CYB561D1: variants seen among roughly 807,000 people sequenced by gnomAD.
CYB561D1 encodes the protein probable transmembrane reductase CYB561D1.
In CYB561D1, 15 loss-of-function variants were observed where a neutral mutation model predicts 19.2. The observed-to-expected ratio is 0.78, with a 90% CI of 0.52 to 1.20. CYB561D1 has a LOEUF of 1.20. Ranked by LOEUF, CYB561D1 falls within the 50% of genes most tolerant of loss-of-function variation. CYB561D1 has a pLI of 0.00. For missense variants in CYB561D1, 297 were observed against 287.3 expected (o/e 1.03, Z -0.24); for synonymous variants, 133 against 120.6 (o/e 1.10, Z -0.68).
rs368199735 is a variant in CYB561D1, at chr1:109,496,023, C to T, written c.454C>T (p.Arg152Trp). ...GTGTGGGCTCTGCCTCCTTTGTCCCCGGGCAGCCAGGGTCTCAAGGGTGGC... is the reference window on the plus strand; with the variant it reads ...GTGTGGGCTCTGCCTCCTTTGTCCCTGGGCAGCCAGGGTCTCAAGGGTGGC... ...ALCGLCLLCP[R>W]AARVSRVARL... The change falls in exon 3 of 3, where the codon CGG (arginine) becomes TGG (tryptophan). Residue 152 changes from arginine (R) to tryptophan (W), a missense_variant. Arg to Trp is a moderately radical substitution (Grantham distance 101). Coordinates refer to ENST00000420578, the MANE Select transcript of CYB561D1 (RefSeq NM_182580.3). 2.2e-5 allele frequency: 36 copies of T among 1,608,750 alleles called. No homozygotes were observed. In the East Asian group the frequency reaches 2.7e-4, roughly 12 times the overall value.
chr1:109,494,239 G>T lies in CYB561D1; in HGVS notation c.100G>T (p.Ala34Ser). Residue 34 changes from alanine to serine, a missense_variant, in exon 1 of 3, where the codon GCT (alanine) becomes TCT (serine). Transcript: ENST00000420578. ...CAGTGGGATCTTGGCGCACCTGGTA[G>T]CTTTGGGCTTCACCATCTTTCTGAC... Reference protein sequence around the residue: ...RGSGILAHLVALGFTIFLTAL... With the variant: ...RGSGILAHLVSLGFTIFLTAL... The T allele has an allele frequency of 6.3e-7, 1 of 1,580,474 alleles. No individual in the cohort carries two copies. Among genetic ancestry groups the T allele is most frequent in the African/African-American group, 1.3e-5 (1 of 74,300 alleles).
chr1:109,494,505 G>T (rs1174735711), intron 1 of CYB561D1: 1 of 1,536,616 alleles, frequency 6.5e-7, no homozygotes, highest in South Asian at 1.2e-5. Flanking sequence ...TGAACAGACC[G>T]AACTACTTCC....
intron 2 of CYB561D1, 131 bp downstream of exon 2, chr1:109,495,311 T>C: frequency 9.0e-7 from 1 of 1,112,672 alleles, no homozygotes; most frequent in Non-Finnish European, 1.4e-6. Context: ...GGCTCATCTT[T>C]CCCTGCAGCC....
Position 109,494,565 on chromosome 1 carries a change from G to A in CYB561D1, c.148+278G>A, listed in dbSNP as rs764825912. 1.8e-5 allele frequency: 26 copies of A among 1,436,208 alleles called. No homozygotes were observed. The highest frequency in any genetic ancestry group is 2.8e-5 in the African/African-American group (2 of 70,274). 89.0% of individuals were successfully genotyped at this position (1,436,208 alleles called of 1,614,324 possible). On this transcript the variant is annotated intron_variant, in intron 1 of 2. Coordinates refer to ENST00000420578, the MANE Select transcript of CYB561D1 (RefSeq NM_182580.3). Reference sequence around the variant, plus strand: ...GATAGAAGTGAAGGAGGCCGGGCGCGGTGGGTCATGCCTGAAATCCCAGCA... The same window carrying A: ...GATAGAAGTGAAGGAGGCCGGGCGCAGTGGGTCATGCCTGAAATCCCAGCA...
chr1:109,495,823 C>T lies in CYB561D1; in HGVS notation c.254C>T (p.Ser85Phe), dbSNP rs1657503106. The part of the protein sequence containing the change: ...SPEHSLFFFC[S>F]RKARIRLHWA... ...GAACACTCCCTGTTCTTCTTCTGCTCCCGAAAAGCACGGATCCGGCTCCAC... is the reference window on the plus strand; with the variant it reads ...GAACACTCCCTGTTCTTCTTCTGCTTCCGAAAAGCACGGATCCGGCTCCAC... The change falls in exon 3 of 3, where the codon TCC becomes TTC. Residue 85 changes from serine (S) to phenylalanine (F), a missense_variant. Coordinates refer to ENST00000420578, the MANE Select transcript of CYB561D1 (RefSeq NM_182580.3). 4 of 1,614,036 alleles carry T rather than the reference C, an allele frequency of 2.5e-6. No individual in the cohort carries two copies. The highest frequency in any genetic ancestry group is 1.6e-4 in the Middle Eastern group (1 of 6,062).
chr1:109,494,487 C>T (rs1175375543), intron 1 of CYB561D1, 200 bp downstream of exon 1: 2 of 1,544,968 alleles, frequency 1.3e-6, no homozygotes, highest in East Asian at 2.5e-5. Context: ...GGGGGAAGGG[C>T]AGACGATTGA....
rs1657597825 is a variant in CYB561D1, at chr1:109,496,894, AG to A, written c.*638del. On this transcript the variant is annotated 3_prime_UTR_variant, in exon 3 of 3. Transcript: ENST00000420578. ...CTTTACTCTCCCTTTACTACCCTGG[AG>A]GGACAGCTCTGCCCTTGAGGCCCTT... The A allele has an allele frequency of 6.6e-6, 1 of 152,634 alleles. No homozygotes were observed. The highest frequency in any genetic ancestry group is 1.5e-5 in the Non-Finnish European group (1 of 68,058). The allele number at this position is 152,634 out of a possible 1,614,324, so 9.5% of individuals were successfully genotyped here. A position where few individuals can be genotyped will look rare whatever the true frequency, so the allele number is the denominator to read the frequency against.
chr1:109,496,411 G>A lies in CYB561D1; in HGVS notation c.*152G>A, dbSNP rs1342370494. On this transcript the variant is annotated 3_prime_UTR_variant, in exon 3 of 3. Transcript: ENST00000420578. ...AGAAACCAAAGCTGCTATTGTTGAG[G>A]AATAATTCAGTGGGTCAAAATGGGG... 4.8e-6 allele frequency: 4 copies of A among 825,158 alleles called. No homozygotes were observed. The highest frequency in any genetic ancestry group is 7.2e-6 in the Non-Finnish European group (4 of 554,906). The allele number at this position is 825,158 out of a possible 1,614,324, so 51.1% of individuals were successfully genotyped here. A position where few individuals can be genotyped will look rare whatever the true frequency, so the allele number is the denominator to read the frequency against.
chr1:109,494,271 G>C lies in CYB561D1; in HGVS notation c.132G>C (p.Leu44=), dbSNP rs1657350570. ...GCTTCACCATCTTTCTGACAGCGCT[G>C]TCCCGGCCAGGAACCAGTGAGTGTG... The part of the protein sequence containing the change: ...ALGFTIFLTA[L]SRPGTSLFSW... The change falls in exon 1 of 3, where the codon CTG becomes CTC. Residue 44 remains leucine (L), a synonymous_variant. Transcript: ENST00000420578. 3.1e-6 allele frequency: 5 copies of C among 1,588,990 alleles called. 1 individual carries two copies. The South Asian group carries it at 5.7e-5, about 18-fold the overall frequency.
chr1:109,495,004 C>T (rs1262761559), intron 1 of CYB561D1, 139 bp from the exon 2 acceptor site: 5 of 1,013,190 alleles, frequency 4.9e-6, no homozygotes, highest in Non-Finnish European at 7.6e-6. Flanking sequence ...TTGGCTGCTC[C>T]ACTTTGTCCT....
In CYB561D1 at chr1:109,496,294, G is replaced by GC; in HGVS notation, c.*37dup. On this transcript the variant is annotated 3_prime_UTR_variant, in exon 3 of 3. Coordinates refer to ENST00000420578, the MANE Select transcript of CYB561D1 (RefSeq NM_182580.3). Reference sequence around the variant, plus strand: ...AACGCTGAATCTAGGTGGGACGCTTGCCTTGAACATCATGGTTCCTTTGGT... The same window carrying GC: ...AACGCTGAATCTAGGTGGGACGCTTGCCCTTGAACATCATGGTTCCTTTGGT... The GC allele has an allele frequency of 6.5e-7, 1 of 1,529,236 alleles. No individual in the cohort carries two copies. The highest frequency in any genetic ancestry group is 1.4e-5 in the African/African-American group (1 of 72,574). The allele number at this position is 1,529,236 out of a possible 1,614,324, so 94.7% of individuals were successfully genotyped here.
chr1:109,495,688 G>C (rs1417067626), intron 2 of CYB561D1, 68 bp from the exon 3 acceptor site: 2 of 1,613,266 alleles, frequency 1.2e-6, no homozygotes, highest in Admixed American at 3.3e-5. Context: ...GGATGTATGA[G>C]AGCACCTCCT....
intron 1 of CYB561D1, 131 bp from the exon 2 acceptor site, chr1:109,495,012 C>T (rs1021679341): frequency 9.1e-7 from 1 of 1,102,800 alleles, no homozygotes; most frequent in Non-Finnish European, 1.4e-6. Flanking sequence ...TCCACTTTGT[C>T]CTTAGTTCCT....
chr1:109,500,249 G>C lies in CYB561D1; in HGVS notation c.*3990G>C, dbSNP rs181478522. On this transcript the variant is annotated 3_prime_UTR_variant, in exon 3 of 3. Transcript: ENST00000420578. ...GATCCTGTGTAACATGAAATGAAAG[G>C]TGCATCAGCTTGGGGGCTGGGAAAC... 8 of 152,226 alleles carry C rather than the reference G, an allele frequency of 5.3e-5. No homozygotes were observed. The highest frequency in any genetic ancestry group is 1.2e-4 in the Non-Finnish European group (8 of 68,062). 9.4% of individuals were successfully genotyped at this position (152,226 alleles called of 1,614,324 possible).
chr1:109,494,701 A>G (rs1657408627), intron 1 of CYB561D1: 2 of 698,896 alleles, frequency 2.9e-6, no homozygotes, highest in Admixed American at 3.8e-5. Context: ...GCCAGGCGTG[A>G]TGGCGCGCGC....
At chr1:109,495,655 C>T in intron 2 of CYB561D1, 101 bp from the exon 3 acceptor site, 1 of 1,597,780 alleles carries the variant, frequency 6.3e-7, no homozygotes, top group Non-Finnish European at 8.5e-7. Context: ...TTATTTAACC[C>T]TTACCCTTTG....
Position 109,497,191 on chromosome 1 carries a change from A to C in CYB561D1, c.*932A>C, listed in dbSNP as rs1657614970. ...TGCGTGCGCTCCCTCCCCCGAAATC[A>C]CTTCTCAGGGCAAAGGAGCCCCAGG... On this transcript the variant is annotated 3_prime_UTR_variant, in exon 3 of 3. Transcript: ENST00000420578. The C allele has an allele frequency of 6.6e-6, 1 of 152,408 alleles. No individual in the cohort carries two copies. The highest frequency in any genetic ancestry group is 1.5e-5 in the Non-Finnish European group (1 of 68,040). 9.4% of individuals were successfully genotyped at this position (152,408 alleles called of 1,614,324 possible). A position where few individuals can be genotyped will look rare whatever the true frequency, so the allele number is the denominator to read the frequency against.
intron 1 of CYB561D1, 86 bp downstream of exon 1, chr1:109,494,373 A>AG (rs1312481817): frequency 2.6e-6 from 4 of 1,519,064 alleles, no homozygotes. Flanking sequence ...GACTTGGAGG[A>AG]GGGACCCCAG....
At chr1:109,495,037 T>C (rs1293162654) in intron 1 of CYB561D1, 106 bp from the exon 2 acceptor site, 7 of 1,348,786 alleles carry the variant, frequency 5.2e-6, no homozygotes, top group Non-Finnish European at 5.3e-6. Context: ...CCGATTAGGA[T>C]TGGGGATGGT....
Sources: gnomAD v4.1 joint callset for allele counts on GRCh38, gnomAD v4.1.1 for gene constraint, MANE v1.5 for transcripts, NCBI Gene and HGNC (gene_info 2026-07-23, HGNC 2026-07-21) for gene names.